The following UST variants were observed in gnomAD, a reference collection of about 807,000 sequenced individuals.
UST encodes the protein uronyl 2-sulfotransferase, also known as chondroitin sulfate 2-O-sulfotransferase.
Under a neutral mutation model 45.6 loss-of-function variants are expected in UST, and 21 were observed. The ratio of observed to expected loss-of-function variants is 0.46; its 90% CI spans 0.33 to 0.66. The LOEUF (loss-of-function observed/expected upper bound fraction) is 0.66, where lower values mean the gene tolerates loss of function less well. UST is among the 30% of genes least tolerant of loss of function. The probability of loss-of-function intolerance (pLI) is 0.02; values close to 1 mark genes in which losing one functional copy is unlikely to be tolerated. For missense variants in UST, 463 were observed against 512.4 expected, an observed-to-expected ratio of 0.90 and a Z score of 0.93; for synonymous variants, 215 against 200.6, an observed-to-expected ratio of 1.07 and a Z score of -0.61.
chr6:148,755,406 T>C (rs1380605839), intron 1 of UST, among the ~76,000 whole-genome samples: 1 of 152,164 alleles, frequency 6.6e-6, no homozygotes, highest in Non-Finnish European at 1.5e-5. Flanking sequence ...ATAATCAAAA[T>C]AAGAAGCTCT....
At chr6:148,995,121 T>C (rs1781428135) in intron 5 of UST, among the ~76,000 whole-genome samples, 1 of 151,814 alleles carries the variant, frequency 6.6e-6, no homozygotes, top group South Asian at 2.1e-4. Flanking sequence ...GCCTCCCGGG[T>C]TCAAGCTATT....
intron 5 of UST, among the ~76,000 whole-genome samples, chr6:148,998,312 AC>A (rs1206987437): frequency 6.6e-6 from 1 of 152,200 alleles, no homozygotes; most frequent in African/African-American, 2.4e-5. Flanking sequence ...GAAGTACTAA[AC>A]TGTGGAGACG....
intron 7 of UST, among the ~76,000 whole-genome samples, chr6:149,054,488 T>C (rs1776534286): frequency 1.3e-5 from 2 of 152,200 alleles, no homozygotes; most frequent in South Asian, 2.1e-4. Context: ...TTCCAGATAC[T>C]GTGTGCATCT....
intron 1 of UST, among the ~76,000 whole-genome samples, chr6:148,843,930 C>T (rs1432369958): frequency 6.6e-6 from 1 of 152,092 alleles, no homozygotes; most frequent in African/African-American, 2.4e-5. Context: ...ATTTCAGATA[C>T]GTTGAGCCCC....
intron 7 of UST, among the ~76,000 whole-genome samples, chr6:149,024,012 A>G (rs565711685): frequency 3.3e-5 from 5 of 152,350 alleles, no homozygotes; most frequent in South Asian, 2.1e-4. Context: ...AGAGTTTGGC[A>G]TAGTAAATAT....
Position 149,048,095 on chromosome 6 carries a change from C to T in UST, c.938-25738C>T, listed in dbSNP as rs191731567. Reference sequence around the variant, plus strand: ...AAAAATAGTCTCCTTATATCATGGGCCTTAATAAATTCCAGATGGTCTAAA... The same window carrying T: ...AAAAATAGTCTCCTTATATCATGGGTCTTAATAAATTCCAGATGGTCTAAA... On this transcript the variant is annotated intron_variant, in intron 7 of 7. Coordinates refer to ENST00000367463, the MANE Select transcript of UST (RefSeq NM_005715.3). Among the ~76,000 whole-genome samples, 6 of 150,186 alleles carry T rather than the reference C, an allele frequency of 4.0e-5. No individual in the cohort carries two copies. In the East Asian group the frequency reaches 1.2e-3, roughly 29 times the overall value.
At chr6:148,922,891 C>A (rs970645433) in intron 2 of UST, among the ~76,000 whole-genome samples, 2 of 152,194 alleles carry the variant, frequency 1.3e-5, no homozygotes, top group Non-Finnish European at 2.9e-5. Flanking sequence ...CTCCCAGGTT[C>A]AAGCAGTTCT....
chr6:148,849,217 T>C (rs1778058770), intron 1 of UST, among the ~76,000 whole-genome samples: 1 of 152,180 alleles, frequency 6.6e-6, no homozygotes, highest in South Asian at 2.1e-4. Context: ...CACCAAGTCA[T>C]CCAGGCATCC....
rs1776681999 is a variant in UST, at chr6:148,783,547, T to C, written c.247+35870T>C. 2.0e-5 allele frequency among the ~76,000 whole-genome samples: 3 copies of C among 152,214 alleles called. No individual in the cohort carries two copies. The South Asian group carries it at 6.2e-4, about 32-fold the overall frequency. ...ATTATTTTAAATAATTCTTCCTTCTTAGGAAAAATTATAGGCATATTTTCT... is the reference window on the plus strand; with the variant it reads ...ATTATTTTAAATAATTCTTCCTTCTCAGGAAAAATTATAGGCATATTTTCT... On this transcript the variant is annotated intron_variant, in intron 1 of 7. Coordinates refer to ENST00000367463, the MANE Select transcript of UST (RefSeq NM_005715.3).
intron 1 of UST, among the ~76,000 whole-genome samples, chr6:148,834,816 T>C (rs1232410265): frequency 6.6e-6 from 1 of 152,158 alleles, no homozygotes; most frequent in African/African-American, 2.4e-5. Context: ...ATTTTTAAAT[T>C]TGAAAAATAC....
chr6:148,953,902 G>A lies in UST; in HGVS notation c.478G>A (p.Glu160Lys), dbSNP rs772986508. 21 of 1,606,252 alleles carry A rather than the reference G, an allele frequency of 1.3e-5. No individual in the cohort carries two copies. Among genetic ancestry groups the A allele is most frequent in the Middle Eastern group, 1.7e-4 (1 of 6,058 alleles). The change falls in exon 4 of 8, where the codon GAA (glutamate) becomes AAA (lysine). Residue 160 changes from glutamate to lysine, a missense_variant. Transcript: ENST00000367463. ...MELIKNISTA[E>K]QPYLFTRHVH... ...ACTGATTAAAAATATAAGTACTGCC[G>A]AACAACCCTATTTATTCACTCGACA...
chr6:149,008,237 A>G lies in UST; in HGVS notation c.682-10902A>G, dbSNP rs1775747607. Among the ~76,000 whole-genome samples, 5 of 152,250 alleles carry G rather than the reference A, an allele frequency of 3.3e-5. No individual in the cohort carries two copies. The South Asian group carries it at 8.3e-4, about 25-fold the overall frequency. On this transcript the variant is annotated intron_variant, in intron 5 of 7. Transcript: ENST00000367463. ...ACATTTTAACATGTGAAAATGTTGC[A>G]TTAATGTTTGAGTCAAAAGATAAGA...
intron 7 of UST, among the ~76,000 whole-genome samples, chr6:149,068,329 C>A (rs1776771302): frequency 6.6e-6 from 1 of 152,182 alleles, no homozygotes; most frequent in Non-Finnish European, 1.5e-5. Flanking sequence ...GGCTGCATGA[C>A]CTTGAATGAG....
At chr6:148,977,519 G>A (rs913202520) in intron 5 of UST, among the ~76,000 whole-genome samples, 15 of 152,020 alleles carry the variant, frequency 9.9e-5, no homozygotes, top group Non-Finnish European at 1.5e-4. Context: ...TGGGAGGCCA[G>A]GGCGGGCGGA....
intron 5 of UST, among the ~76,000 whole-genome samples, chr6:148,976,302 A>G (rs1410378543): frequency 6.6e-6 from 1 of 152,178 alleles, no homozygotes; most frequent in African/African-American, 2.4e-5. Context: ...TAACTTTGCC[A>G]ATTTCTGTGG....
At chr6:148,845,904 C>T (rs530055722) in intron 1 of UST, among the ~76,000 whole-genome samples, 3,155 of 151,284 alleles carry the variant, frequency 0.021, 103 homozygotes, top group African/African-American at 0.062. Context: ...GAGATACCAT[C>T]TCACACCAGT....
At chr6:148,930,250 C>T (rs1209252900) in intron 2 of UST, among the ~76,000 whole-genome samples, 1 of 152,194 alleles carries the variant, frequency 6.6e-6, no homozygotes, top group Non-Finnish European at 1.5e-5. Context: ...ATTGTGAGTT[C>T]TTACAGGGCA....
chr6:149,040,772 A>C (rs1012933257), intron 7 of UST, among the ~76,000 whole-genome samples: 1 of 152,164 alleles, frequency 6.6e-6, no homozygotes, highest in Non-Finnish European at 1.5e-5. Flanking sequence ...GGTGCCAACA[A>C]ACTGAACTCC....
chr6:148,964,303 G>A lies in UST; in HGVS notation c.528-107G>A, dbSNP rs1438964709. 4.4e-6 allele frequency: 6 copies of A among 1,366,236 alleles called. No homozygotes were observed. In the East Asian group the frequency reaches 9.2e-5, roughly 21 times the overall value. 84.6% of individuals were successfully genotyped at this position (1,366,236 alleles called of 1,614,324 possible). A position where few individuals can be genotyped will look rare whatever the true frequency, so the allele number is the denominator to read the frequency against. On this transcript the variant is annotated intron_variant, in intron 4 of 7. Transcript: ENST00000367463. Reference sequence around the variant, plus strand: ...GTGTCATTGGCACCTTAGCATAGGAGGTCATCTTTCAATAAGTTAACCTAG... The same window carrying A: ...GTGTCATTGGCACCTTAGCATAGGAAGTCATCTTTCAATAAGTTAACCTAG...
Sources: allele counts gnomAD v4.1 joint callset (sites outside exome capture counted in the v4.1 genomes callset), GRCh38; gene constraint gnomAD v4.1.1; transcripts MANE v1.5; gene names NCBI Gene and HGNC (gene_info 2026-07-23, HGNC 2026-07-21).